TRPC4: variants seen among roughly 807,000 people sequenced by gnomAD.
The protein encoded by TRPC4 is transient receptor potential cation channel subfamily C member 4.
A neutral mutation model predicts 99.4 loss-of-function variants in TRPC4; 49 were observed. The observed-to-expected ratio is 0.49, with a 90% confidence interval of 0.39 to 0.63. The LOEUF (loss-of-function observed/expected upper bound fraction) is 0.63, where lower values mean the gene tolerates loss of function less well. TRPC4 is among the 20% of genes least tolerant of loss of function. TRPC4 has a pLI of 0.00. For synonymous variants in TRPC4, 454 were observed against 425.9 expected, an observed-to-expected ratio of 1.07 and a Z score of -0.81; for missense variants, 898 against 1,152.9, an observed-to-expected ratio of 0.78 and a Z score of 3.20.
chr13:37,770,771 A>C (rs564547151), intron 2 of TRPC4, among the ~76,000 whole-genome samples: 4 of 151,816 alleles, frequency 2.6e-5, no homozygotes, highest in African/African-American at 9.6e-5. Flanking sequence ...ATTAATAGTT[A>C]TATATGTGCA....
At chr13:37,868,413 T>A (rs1959918026) in intron 1 of TRPC4, among the ~76,000 whole-genome samples, 3 of 152,090 alleles carry the variant, frequency 2.0e-5, no homozygotes, top group Admixed American at 2.0e-4. Context: ...TGATGAAGAT[T>A]TCAACATTTT....
chr13:37,711,294 G>A lies in TRPC4; in HGVS notation c.898-18959C>T, dbSNP rs148359106. 2.8e-3 allele frequency among the ~76,000 whole-genome samples: 430 copies of A among 151,938 alleles called. 2 individuals are homozygous for A. Among genetic ancestry groups the A allele is most frequent in the African/African-American group, 0.01 (420 of 41,484 alleles). On this transcript the variant is annotated intron_variant, in intron 3 of 10. Coordinates refer to ENST00000379705, the MANE Select transcript of TRPC4 (RefSeq NM_016179.4). The stretch of plus-strand genomic sequence containing the variant: ...ATATTAAATAGATGATCATAGAAAT[G>A]GTTATTTCAAACAGAACTTCTCTGC...
At chr13:37,757,671 TC>T (rs1307010339) in intron 2 of TRPC4, among the ~76,000 whole-genome samples, 1 of 151,836 alleles carries the variant, frequency 6.6e-6, no homozygotes, top group South Asian at 2.1e-4. Flanking sequence ...AATATTTACT[TC>T]ATGCAGAAAA....
chr13:37,847,490 A>C (rs1958936773), intron 1 of TRPC4, among the ~76,000 whole-genome samples: 1 of 152,098 alleles, frequency 6.6e-6, no homozygotes, highest in South Asian at 2.1e-4. Context: ...ATACCTTGAG[A>C]CAAATTAAAA....
At chr13:37,724,664 G>T (rs1031622697) in intron 3 of TRPC4, among the ~76,000 whole-genome samples, 1 of 152,076 alleles carries the variant, frequency 6.6e-6, no homozygotes, top group African/African-American at 2.4e-5. Context: ...AATCTAAGTA[G>T]TTGGTAACAT....
chr13:37,860,943 T>A (rs528937191), intron 1 of TRPC4, among the ~76,000 whole-genome samples: 2 of 151,706 alleles, frequency 1.3e-5, no homozygotes, highest in East Asian at 3.9e-4. Context: ...GTAATCCAGA[T>A]GAATTTCAGG....
chr13:37,711,213 A>G (rs1034652871), intron 3 of TRPC4, among the ~76,000 whole-genome samples: 2 of 151,974 alleles, frequency 1.3e-5, no homozygotes, highest in African/African-American at 4.8e-5. Flanking sequence ...AAATTCACAA[A>G]TAACTTTTTG....
chr13:37,765,088 T>C (rs139882484), intron 2 of TRPC4, among the ~76,000 whole-genome samples: 37 of 151,566 alleles, frequency 2.4e-4, no homozygotes, highest in African/African-American at 8.9e-4. Flanking sequence ...ATGTCTTAAA[T>C]ATGTTAATAT....
At chr13:37,706,921 A>G (rs1954300470) in intron 3 of TRPC4, among the ~76,000 whole-genome samples, 1 of 152,162 alleles carries the variant, frequency 6.6e-6, no homozygotes, top group East Asian at 1.9e-4. Context: ...GGTATTCAAT[A>G]TTCTTCAATT....
intron 8 of TRPC4, among the ~76,000 whole-genome samples, chr13:37,642,733 TTTC>T (rs201784582): frequency 0.025 from 1,404 of 55,856 alleles, 42 homozygotes; most frequent in East Asian, 0.15. Context: ...ATTCTTTCTT[TTTC>T]TTTTTTTTTT....
At chr13:37,685,415 C>T (rs1381732691) in intron 4 of TRPC4, among the ~76,000 whole-genome samples, 3 of 152,058 alleles carry the variant, frequency 2.0e-5, no homozygotes, top group Admixed American at 6.6e-5. Context: ...AAGCCTGTTT[C>T]CTCTCTGTGA....
intron 3 of TRPC4, among the ~76,000 whole-genome samples, chr13:37,742,439 G>T (rs911142929): frequency 6.6e-6 from 1 of 152,126 alleles, no homozygotes; most frequent in Non-Finnish European, 1.5e-5. Context: ...GTATGTCAGG[G>T]GCTACAGTAT....
intron 6 of TRPC4, among the ~76,000 whole-genome samples, chr13:37,657,286 T>C (rs965771951): frequency 3.9e-5 from 6 of 152,190 alleles, no homozygotes; most frequent in Non-Finnish European, 7.3e-5. Flanking sequence ...GATCACATAT[T>C]CTTAGAGGAA....
At chr13:37,781,249 T>C (rs182241133) in intron 2 of TRPC4, among the ~76,000 whole-genome samples, 2 of 152,240 alleles carry the variant, frequency 1.3e-5, no homozygotes, top group East Asian at 1.9e-4. Flanking sequence ...ACATGTTCCA[T>C]GGCAGTTTCA....
intron 2 of TRPC4, among the ~76,000 whole-genome samples, chr13:37,766,018 A>G (rs1230554680): frequency 6.6e-6 from 1 of 151,416 alleles, no homozygotes; most frequent in Non-Finnish European, 1.5e-5. Flanking sequence ...GTTTGTTTAA[A>G]GCATGCAGCA....
intron 5 of TRPC4, among the ~76,000 whole-genome samples, chr13:37,671,829 C>T (rs552659003): frequency 1.3e-5 from 2 of 152,308 alleles, no homozygotes; most frequent in African/African-American, 4.8e-5. Flanking sequence ...CAAAAACATA[C>T]ATTGTGCTAA....
chr13:37,716,253 C>CA (rs1566117256), intron 3 of TRPC4, among the ~76,000 whole-genome samples: 1 of 151,660 alleles, frequency 6.6e-6, no homozygotes, highest in Admixed American at 6.6e-5. Flanking sequence ...CTTCAAGGTA[C>CA]AAAAAAATTC....
intron 8 of TRPC4, among the ~76,000 whole-genome samples, chr13:37,643,975 C>T (rs1246102603): frequency 1.3e-5 from 2 of 152,078 alleles, no homozygotes; most frequent in African/African-American, 2.4e-5. Context: ...AGTATAATCT[C>T]GCCTTAACTA....
At chr13:37,855,612 G>A (rs1223968854) in intron 1 of TRPC4, among the ~76,000 whole-genome samples, 1 of 151,626 alleles carries the variant, frequency 6.6e-6, no homozygotes, top group Non-Finnish European at 1.5e-5. Context: ...ATCATTCTCA[G>A]GAACAGGCCA....
Sources: gnomAD v4.1 joint callset for allele counts (sites outside exome capture counted in the v4.1 genomes callset) on GRCh38, gnomAD v4.1.1 for gene constraint, MANE v1.5 for transcripts, NCBI Gene and HGNC (gene_info 2026-07-23, HGNC 2026-07-21) for gene names.